SREBF1: variants seen among roughly 807,000 people sequenced by gnomAD.
SREBF1 encodes sterol regulatory element-binding protein 1.
Under a neutral mutation model 100.1 loss-of-function variants are expected in SREBF1, and 45 were observed. That is an observed-to-expected ratio of 0.45 (90% CI 0.35 to 0.58). The LOEUF (loss-of-function observed/expected upper bound fraction) is 0.58, where lower values mean the gene tolerates loss of function less well. SREBF1 is among the 20% of genes least tolerant of loss of function. The pLI, the probability that SREBF1 is intolerant of heterozygous loss-of-function variation, is 0.00. For missense variants in SREBF1, 1,324 were observed against 1,539.4 expected, an observed-to-expected ratio of 0.86 and a Z score of 2.34; for synonymous variants, 657 against 681.8, an observed-to-expected ratio of 0.96 and a Z score of 0.57.
chr17:17,820,978 C>T (rs2034055555), intron 1 of SREBF1: 2 of 223,004 alleles, frequency 9.0e-6, no homozygotes, highest in East Asian at 1.1e-4. Flanking sequence ...TGAGTGCCCA[C>T]ACTATGCCAG....
chr17:17,836,600 C>T, intron 1 of SREBF1, 127 bp downstream of exon 1: 1 of 944,106 alleles, frequency 1.1e-6, no homozygotes, highest in Admixed American at 2.2e-5. Flanking sequence ...TCAGAGACAC[C>T]GGGAAGTCCC....
At chr17:17,836,115 A>C (rs2035209864) in intron 1 of SREBF1, among the ~76,000 whole-genome samples, 1 of 152,198 alleles carries the variant, frequency 6.6e-6, no homozygotes, top group Admixed American at 6.5e-5. Flanking sequence ...GTGTTCCCTA[A>C]AAGAGGGGGT....
rs757377752 is a variant in SREBF1, at chr17:17,812,839, T to A, written c.3227A>T (p.Glu1076Val). The change falls in exon 19 of 19, where the codon GAG (glutamate) becomes GTG (valine). Residue 1076 changes from glutamate (E) to valine (V), a missense_variant. Transcript: ENST00000261646. Reference protein sequence around the residue: ...GPGGKGGAVAELEPRPTRREH... With the variant: ...GPGGKGGAVAVLEPRPTRREH... ...CCGCCGCGTGGGCCGCGGCTCCAGC[T>A]CCGCCACCGCGCCTGCGCACACGAG... 50 of 1,472,336 alleles carry A rather than the reference T, an allele frequency of 3.4e-5. No homozygotes were observed. Among genetic ancestry groups the A allele is most frequent in the Non-Finnish European group, 4.3e-5 (48 of 1,119,984 alleles). The allele number at this position is 1,472,336 out of a possible 1,614,324, so 91.2% of individuals were successfully genotyped here. A position where few individuals can be genotyped will look rare whatever the true frequency, so the allele number is the denominator to read the frequency against.
Position 17,820,492 on chromosome 17 carries a change from T to C in SREBF1, c.121A>G (p.Ser41Gly), listed in dbSNP as rs1490438979. ...GGGTCAAATAGGCCAGGGAAGTCAC[T>C]GTCTTGGTTGTTGATAAGCTGAAGC... Reference protein sequence around the residue: ...DMLQLINNQDSDFPGLFDPPY... With the variant: ...DMLQLINNQDGDFPGLFDPPY... The change falls in exon 2 of 19, where the codon AGT becomes GGT. Residue 41 changes from serine (S) to glycine (G), a missense_variant. Physicochemically the swap from Ser to Gly is moderately conservative, Grantham distance 56 (BLOSUM62 0). Coordinates refer to ENST00000261646, the MANE Select transcript of SREBF1 (RefSeq NM_004176.5). 1 of 1,614,022 alleles carries C rather than the reference T, an allele frequency of 6.2e-7. No individual in the cohort carries two copies.
intron 1 of SREBF1, chr17:17,823,542 C>G: frequency 6.2e-7 from 1 of 1,613,578 alleles, no homozygotes; most frequent in Non-Finnish European, 8.5e-7. Flanking sequence ...TCCATGGCTC[C>G]GCGATCTGCG....
intron 1 of SREBF1, 187 bp from the exon 2 acceptor site, chr17:17,820,708 G>A (rs961680514): frequency 1.5e-5 from 10 of 684,078 alleles, no homozygotes; most frequent in South Asian, 3.3e-5. Flanking sequence ...GCCATTTTGC[G>A]AGCACCTGTG....
In SREBF1 at chr17:17,814,821, G is replaced by C. The variant is rs374223517; in HGVS notation, c.2602+14C>G. Reference sequence around the variant, plus strand: ...GAGCTGAGAAGGGAGCCAGGACAGGGGCCGGGGACTCACCGGTGGTGGTGG... The same window carrying C: ...GAGCTGAGAAGGGAGCCAGGACAGGCGCCGGGGACTCACCGGTGGTGGTGG... On this transcript the variant is annotated intron_variant, in intron 14 of 18. Transcript: ENST00000261646. 45 of 1,602,714 alleles carry C rather than the reference G, an allele frequency of 2.8e-5. No individual in the cohort carries two copies. The highest frequency in any genetic ancestry group is 3.6e-5 in the Non-Finnish European group (42 of 1,175,172).
chr17:17,833,058 G>A (rs1432932180), intron 1 of SREBF1, among the ~76,000 whole-genome samples: 2 of 152,018 alleles, frequency 1.3e-5, no homozygotes, highest in African/African-American at 2.4e-5. Context: ...CCTTACTGTC[G>A]TCTGGCTGTT....
rs963700428 is a variant in SREBF1, at chr17:17,836,897, G to A, written c.-80C>T. ...TCCTAGGGAGCGCCGCCGCGGCCCCGGCTCTCAGTCGCCGCCGCCGCTCCG... is the reference window on the plus strand; with the variant it reads ...TCCTAGGGAGCGCCGCCGCGGCCCCAGCTCTCAGTCGCCGCCGCCGCTCCG... On this transcript the variant is annotated 5_prime_UTR_variant, in exon 1 of 19. Transcript: ENST00000261646. 23 of 1,315,776 alleles carry A rather than the reference G, an allele frequency of 1.7e-5. No individual in the cohort carries two copies. Among genetic ancestry groups the A allele is most frequent in the African/African-American group, 3.1e-5 (2 of 63,938 alleles). The allele number at this position is 1,315,776 out of a possible 1,614,324, so 81.5% of individuals were successfully genotyped here.
At position 17,817,354 on chromosome 17, in the gene SREBF1, A is replaced by C; in HGVS notation, c.1508T>G (p.Leu503Trp). 6.2e-7 allele frequency: 1 copy of C among 1,607,958 alleles called. No individual in the cohort carries two copies. Residue 503 changes from leucine (L) to tryptophan (W), a missense_variant, in exon 8 of 19, where the codon TTG becomes TGG. Transcript: ENST00000261646. The surrounding 1 kb of genome is among the most constrained non-coding windows in gnomAD (Gnocchi z 6.6). ...CCCCCGGGCCCCCAGCAAGGAGGCC[A>C]AGGGGTTGCAGGACAGGCAGAGGAA... ...LVFLCLSCNPLASLLGARGLP... is the reference protein window; with the variant it reads ...LVFLCLSCNPWASLLGARGLP...
At position 17,836,916 on chromosome 17, in the gene SREBF1, C is replaced by T; in HGVS notation, c.-99G>A. 3 of 1,154,528 alleles carry T rather than the reference C, an allele frequency of 2.6e-6. No individual in the cohort carries two copies. Among genetic ancestry groups the T allele is most frequent in the East Asian group, 3.1e-5 (1 of 32,446 alleles). The allele number at this position is 1,154,528 out of a possible 1,614,324, so 71.5% of individuals were successfully genotyped here. The stretch of plus-strand genomic sequence containing the variant: ...GGCCCCGGCTCTCAGTCGCCGCCGC[C>T]GCTCCGCGCGTTCGTGTCCTGCCCT... On this transcript the variant is annotated 5_prime_UTR_variant, in exon 1 of 19. Coordinates refer to ENST00000261646, the MANE Select transcript of SREBF1 (RefSeq NM_004176.5).
chr17:17,811,670 G>T lies in SREBF1; in HGVS notation c.*952C>A. On this transcript the variant is annotated 3_prime_UTR_variant, in exon 19 of 19. Transcript: ENST00000261646. ...GCTTCTTTGCTGTGAGATGACCAGG[G>T]GCCGGGATGGGGGAGGTGAGACGTG... 2.2e-6 allele frequency: 1 copy of T among 452,362 alleles called. No homozygotes were observed. Among genetic ancestry groups the T allele is most frequent in the South Asian group, 1.6e-5 (1 of 64,128 alleles). The allele number at this position is 452,362 out of a possible 1,614,324, so 28.0% of individuals were successfully genotyped here. A position where few individuals can be genotyped will look rare whatever the true frequency, so the allele number is the denominator to read the frequency against.
chr17:17,814,302 G>T lies in SREBF1; in HGVS notation c.2844C>A (p.Ala948=). 1 of 1,601,632 alleles carries T rather than the reference G, an allele frequency of 6.2e-7. No homozygotes were observed. Among genetic ancestry groups the T allele is most frequent in the Non-Finnish European group, 8.5e-7 (1 of 1,174,936 alleles). The stretch of plus-strand genomic sequence containing the variant: ...CCAGGCTGTCCTGCAGGTACCCACT[G>T]GCCTTCTCACAGATGGTCAGGCTGG... ...GPASLTICEK[A]SGYLQDSLAT... Residue 948 remains alanine (A), a synonymous_variant, in exon 16 of 19, where the codon GCC becomes GCA. Transcript: ENST00000261646.
intron 2 of SREBF1, 160 bp downstream of exon 2, chr17:17,819,930 G>A: frequency 8.8e-7 from 1 of 1,142,416 alleles, no homozygotes; most frequent in Non-Finnish European, 1.2e-6. Context: ...CCGGCAACAA[G>A]CACACCAGGA....
chr17:17,816,108 GT>G, intron 11 of SREBF1, 80 bp from the exon 12 acceptor site: 1 of 1,413,472 alleles, frequency 7.1e-7, no homozygotes, highest in South Asian at 1.3e-5. Context: ...TTGGCCTGGA[GT>G]CCCCCTGGTA....
At position 17,812,129 on chromosome 17, in the gene SREBF1, A is replaced by AAT. The variant is rs1364254574; in HGVS notation, c.*491_*492dup. On this transcript the variant is annotated 3_prime_UTR_variant, in exon 19 of 19. Transcript: ENST00000261646. ...TGTACAAAACTTCTCAATCTATGAA[A>AAT]ATAAAGTTTGCAAAAGGCAAAGTAG... The AAT allele has an allele frequency of 4.7e-6, 2 of 424,072 alleles. No homozygotes were observed. Among genetic ancestry groups the AAT allele is most frequent in the Non-Finnish European group, 9.1e-6 (2 of 220,612 alleles). 26.3% of individuals were successfully genotyped at this position (424,072 alleles called of 1,614,324 possible). A position where few individuals can be genotyped will look rare whatever the true frequency, so the allele number is the denominator to read the frequency against.
intron 16 of SREBF1, 187 bp from the exon 17 acceptor site, chr17:17,813,956 C>G: frequency 1.4e-6 from 1 of 710,650 alleles, no homozygotes. Context: ...ACACCCGCCA[C>G]CGGCCCGGGA....
intron 1 of SREBF1, among the ~76,000 whole-genome samples, chr17:17,835,571 C>T (rs1479238827): frequency 6.6e-6 from 1 of 152,224 alleles, no homozygotes; most frequent in Non-Finnish European, 1.5e-5. Context: ...GGCTGTGAGT[C>T]TAGGCATCTT....
rs775151936 is a variant in SREBF1, at chr17:17,819,670, C to T, written c.579G>A (p.Pro193=). The change falls in exon 3 of 19, where the codon CCG becomes CCA. Residue 193 remains proline (P), a synonymous_variant. Transcript: ENST00000261646. ...GCAAGGAGACGGGCGGGACCCCTGG[C>T]GGGGAAGCCAGTGGCAGGCCAGGCA... ...QPLPGLPLAS[P]PGVPPVSLHT... is the part of the protein sequence containing the mutation. The T allele has an allele frequency of 1.4e-5, 23 of 1,610,778 alleles. No individual in the cohort carries two copies. The African/African-American group carries it at 1.7e-4, about 12-fold the overall frequency.
Sources: gnomAD v4.1 joint callset for allele counts (sites outside exome capture counted in the v4.1 genomes callset) on GRCh38, gnomAD v4.1.1 for gene constraint, Gnocchi (gnomAD v3.1) non-coding constraint, MANE v1.5 for transcripts, NCBI Gene and HGNC (gene_info 2026-07-23, HGNC 2026-07-21) for gene names.